The following ASIC2 variants were observed in gnomAD, a reference collection of about 807,000 sequenced individuals.
ASIC2 encodes the protein acid sensing ion channel subunit 2.
In ASIC2, 25 loss-of-function variants were observed where a neutral mutation model predicts 57.3. The ratio of observed to expected loss-of-function variants is 0.44; its 90% CI spans 0.32 to 0.61. ASIC2 has a LOEUF of 0.61. Among genes scored for constraint, ASIC2 ranks in the 20% least tolerant of loss-of-function variants. The pLI is 0.06. For missense variants in ASIC2, 641 were observed against 738.1 expected (o/e 0.87, Z 1.52); for synonymous variants, 319 against 307.5 (o/e 1.04, Z -0.39).
chr17:33,722,289 A>C (rs1314431321), intron 1 of ASIC2, among the ~76,000 whole-genome samples: 1 of 152,168 alleles, frequency 6.6e-6, no homozygotes, highest in Admixed American at 6.5e-5. Context: ...GCTTTCTGCC[A>C]TGATTGTGAG....
At chr17:33,904,781 A>T (rs1915312641) in intron 1 of ASIC2, among the ~76,000 whole-genome samples, 1 of 152,220 alleles carries the variant, frequency 6.6e-6, no homozygotes, top group African/African-American at 2.4e-5. Flanking sequence ...AGGCTCAGTT[A>T]CTTCTGTAAC....
chr17:33,596,613 G>A (rs1904986696), intron 1 of ASIC2, among the ~76,000 whole-genome samples: 1 of 152,176 alleles, frequency 6.6e-6, no homozygotes, highest in Non-Finnish European at 1.5e-5. Context: ...TTGTCAGGTA[G>A]ATAGGACCCT....
chr17:33,498,205 C>T (rs934406662), intron 1 of ASIC2, among the ~76,000 whole-genome samples: 6 of 152,198 alleles, frequency 3.9e-5, no homozygotes, highest in East Asian at 1.9e-4. Flanking sequence ...CCATGTGATC[C>T]GGGGTCCCTG....
intron 1 of ASIC2, among the ~76,000 whole-genome samples, chr17:33,564,878 G>A (rs756707560): frequency 6.6e-6 from 1 of 152,224 alleles, no homozygotes; most frequent in African/African-American, 2.4e-5. Context: ...GTGCCTTAAG[G>A]ACATGCTCCT....
chr17:33,163,372 C>T (rs1905215539), intron 1 of ASIC2, among the ~76,000 whole-genome samples: 1 of 152,056 alleles, frequency 6.6e-6, no homozygotes. Context: ...GAGTGCCCCG[C>T]ACTGACATCT....
chr17:33,110,528 GCA>G, intron 2 of ASIC2, among the ~76,000 whole-genome samples: 1 of 152,330 alleles, frequency 6.6e-6, no homozygotes, highest in South Asian at 2.1e-4. Flanking sequence ...TGGCACTGGC[GCA>G]GTGACATGTG....
intron 1 of ASIC2, among the ~76,000 whole-genome samples, chr17:33,853,250 G>T (rs1423238504): frequency 1.3e-5 from 2 of 152,190 alleles, no homozygotes; most frequent in Non-Finnish European, 2.9e-5. Context: ...AGGTGGGGAT[G>T]GTAGTAGAGG....
rs371134492 is a variant in ASIC2 at position 33,023,137 on chromosome 17, T to C, written c.1349+724A>G. Among the ~76,000 whole-genome samples the C allele has an allele frequency of 2.6e-5, 4 of 152,192 alleles. No homozygotes were observed. In the South Asian group the frequency reaches 8.3e-4, roughly 32 times the overall value. On this transcript the variant is annotated intron_variant, in intron 6 of 9. Coordinates refer to ENST00000225823, the MANE Select transcript of ASIC2 (RefSeq NM_183377.2). ...TAGGTGGAGGCTGGGAGGAAAAGAA[T>C]TCTAGGCAGAGGGAATAGAACGTGC...
At chr17:33,584,307 T>C (rs1904542620) in intron 1 of ASIC2, among the ~76,000 whole-genome samples, 1 of 152,162 alleles carries the variant, frequency 6.6e-6, no homozygotes, top group Admixed American at 6.5e-5. Flanking sequence ...GGAGCAGAGC[T>C]GGGGCTGGAA....
At position 33,234,214 on chromosome 17, in the gene ASIC2, T is replaced by C. The variant is rs115325322; in HGVS notation, c.708+57194A>G. On this transcript the variant is annotated intron_variant, in intron 1 of 9. Transcript: ENST00000225823. ...AGTTCGTAAAAAGCCATGGATGTTA[T>C]ATAACTACACCATCCATCTTTTATG... Among the ~76,000 whole-genome samples the C allele has an allele frequency of 7.3e-3, 1,106 of 152,332 alleles. 13 individuals carry two copies. Among genetic ancestry groups the C allele is most frequent in the African/African-American group, 0.026 (1,063 of 41,574 alleles).
At chr17:33,042,436 C>A (rs1567724422) in intron 3 of ASIC2, among the ~76,000 whole-genome samples, 1 of 152,218 alleles carries the variant, frequency 6.6e-6, no homozygotes, top group Non-Finnish European at 1.5e-5. Flanking sequence ...CCCTGTGAGA[C>A]TGGGTACTAC....
intron 1 of ASIC2, among the ~76,000 whole-genome samples, chr17:33,220,711 C>T (rs1296143148): frequency 6.6e-6 from 1 of 152,156 alleles, no homozygotes; most frequent in African/African-American, 2.4e-5. Flanking sequence ...TCCACTTCCT[C>T]CAGCTTTCTA....
At position 33,263,870 on chromosome 17, in the gene ASIC2, C is replaced by T. The variant is rs151067034; in HGVS notation, c.708+27538G>A. Among the ~76,000 whole-genome samples the T allele has an allele frequency of 1.1e-4, 16 of 152,354 alleles. No homozygotes were observed. The East Asian group carries it at 1.9e-3, about 18-fold the overall frequency. ...CTGCGCGGGACAGAGGGTGGAGCCT[C>T]GTGAGTCTCACATGATACCGGCTAA... On this transcript the variant is annotated intron_variant, in intron 1 of 9. Coordinates refer to ENST00000225823, the MANE Select transcript of ASIC2 (RefSeq NM_183377.2).
At chr17:33,095,244 C>A (rs1056265886) in intron 2 of ASIC2, among the ~76,000 whole-genome samples, 6 of 152,178 alleles carry the variant, frequency 3.9e-5, no homozygotes, top group Non-Finnish European at 1.5e-5. Flanking sequence ...CTAGTCCCTC[C>A]ATGTAGACTG....
chr17:33,721,106 A>G (rs974605451), intron 1 of ASIC2, among the ~76,000 whole-genome samples: 2 of 152,178 alleles, frequency 1.3e-5, no homozygotes, highest in Non-Finnish European at 2.9e-5. Flanking sequence ...TATTCAGCCC[A>G]GCCATTTCTC....
intron 1 of ASIC2, among the ~76,000 whole-genome samples, chr17:33,978,671 G>A (rs1905485056): frequency 6.6e-6 from 1 of 152,098 alleles, no homozygotes. Flanking sequence ...TGTGCTGGGA[G>A]AGTCGAGTCA....
intron 1 of ASIC2, among the ~76,000 whole-genome samples, chr17:33,703,815 G>A (rs1460845537): frequency 6.6e-6 from 1 of 152,146 alleles, no homozygotes; most frequent in Non-Finnish European, 1.5e-5. Flanking sequence ...GTACATGATT[G>A]TTAGACTGCC....
chr17:33,866,002 A>C (rs1480513822), intron 1 of ASIC2, among the ~76,000 whole-genome samples: 1 of 152,170 alleles, frequency 6.6e-6, no homozygotes, highest in Non-Finnish European at 1.5e-5. Context: ...CATATAATGA[A>C]TCATACACTG....
chr17:33,170,288 G>T (rs1905460922), intron 1 of ASIC2, among the ~76,000 whole-genome samples: 1 of 152,164 alleles, frequency 6.6e-6, no homozygotes, highest in Admixed American at 6.5e-5. Context: ...GAGAAGTTTA[G>T]ATATAAGAAA....
Sources: allele counts gnomAD v4.1 joint callset (sites outside exome capture counted in the v4.1 genomes callset), GRCh38; gene constraint gnomAD v4.1.1; transcripts MANE v1.5; gene names NCBI Gene and HGNC (gene_info 2026-07-23, HGNC 2026-07-21).